The following DSCAML1 variants were observed in gnomAD, a reference collection of about 807,000 sequenced individuals.
DSCAML1 encodes the protein DS cell adhesion molecule like 1.
DSCAML1 carries 38 observed loss-of-function variants against 200.5 expected under a neutral mutation model. The observed-to-expected ratio is 0.19, with a 90% CI of 0.15 to 0.25. DSCAML1 has a LOEUF of 0.25. Ranked by LOEUF, DSCAML1 falls within the 10% of genes least tolerant of loss-of-function variation. DSCAML1 has a pLI of 1.00. For synonymous variants in DSCAML1, 1,215 were observed against 1,165.0 expected, an observed-to-expected ratio of 1.04 and a Z score of -0.87; for missense variants, 2,223 against 2,858.8, an observed-to-expected ratio of 0.78 and a Z score of 5.07.
At chr11:117,491,211 A>G (rs1013132836) in intron 11 of DSCAML1, among the ~76,000 whole-genome samples, 3 of 152,196 alleles carry the variant, frequency 2.0e-5, no homozygotes, top group African/African-American at 4.8e-5. Flanking sequence ...GCCTGGGTAC[A>G]TCTTCACCCC....
At chr11:117,764,601 G>A (rs1280142337) in intron 3 of DSCAML1, among the ~76,000 whole-genome samples, 1 of 152,234 alleles carries the variant, frequency 6.6e-6, no homozygotes, top group East Asian at 1.9e-4. Flanking sequence ...CATTTAGATA[G>A]ATTTAGGGGA....
At position 117,796,604 on chromosome 11, in the gene DSCAML1, C is replaced by T. The variant is rs113190091; in HGVS notation, c.46+430G>A. ...GCACGGACATAGCGGAGGAATCAGC[C>T]GCCGAGTCCGAGGCCTGAATAAGCA... On this transcript the variant is annotated intron_variant, in intron 1 of 32. Transcript: ENST00000651296. Among the ~76,000 whole-genome samples the T allele has an allele frequency of 4.0e-3, 611 of 152,334 alleles. 6 individuals are homozygous for T. The highest frequency in any genetic ancestry group is 0.014 in the African/African-American group (590 of 41,574).
intron 11 of DSCAML1, among the ~76,000 whole-genome samples, chr11:117,483,152 A>G: frequency 6.6e-6 from 1 of 152,210 alleles, no homozygotes; most frequent in East Asian, 1.9e-4. Flanking sequence ...GGCAGGGGAA[A>G]AATGGTCTCA....
intron 11 of DSCAML1, among the ~76,000 whole-genome samples, chr11:117,485,254 C>T (rs1396694766): frequency 6.6e-6 from 1 of 152,198 alleles, no homozygotes; most frequent in Non-Finnish European, 1.5e-5. Flanking sequence ...CTTTGTTCAG[C>T]CCTGTGGGCA....
At chr11:117,496,986 A>G (rs1565740432) in intron 11 of DSCAML1, among the ~76,000 whole-genome samples, 1 of 152,130 alleles carries the variant, frequency 6.6e-6, no homozygotes, top group Non-Finnish European at 1.5e-5. Flanking sequence ...GGTCAGTAAG[A>G]TCTCCCATGT....
chr11:117,762,250 T>A (rs1463571629), intron 3 of DSCAML1, among the ~76,000 whole-genome samples: 1 of 152,184 alleles, frequency 6.6e-6, no homozygotes, highest in African/African-American at 2.4e-5. Flanking sequence ...ATTTATCTCG[T>A]TCTGGTCTGC....
At chr11:117,760,527 C>T (rs1661566152) in intron 3 of DSCAML1, among the ~76,000 whole-genome samples, 2 of 152,188 alleles carry the variant, frequency 1.3e-5, no homozygotes, top group African/African-American at 4.8e-5. Context: ...ATCGACACGT[C>T]CACACTGATT....
Position 117,757,571 on chromosome 11 carries a change from TATACACACAC to T in DSCAML1, c.511+19210_511+19219del, listed in dbSNP as rs1302831035. On this transcript the variant is annotated intron_variant, in intron 3 of 32. Coordinates refer to ENST00000651296, the MANE Select transcript of DSCAML1 (RefSeq NM_020693.4). ...ACGCATTTTTAACCAATTAGGAGCC[TATACACACAC>T]ACACACACACACACACACACACACA... 9.6e-4 allele frequency among the ~76,000 whole-genome samples: 80 copies of T among 83,610 alleles called. 1 individual carries two copies. The highest frequency in any genetic ancestry group is 1.3e-3 in the South Asian group (3 of 2,358). 54.9% of individuals were successfully genotyped at this position (83,610 alleles called of 152,430 possible).
In DSCAML1 at chr11:117,486,911, C is replaced by CTTTT. The variant is rs56805170; in HGVS notation, c.2360-4753_2360-4750dup. Among the ~76,000 whole-genome samples, 22 of 79,666 alleles carry CTTTT rather than the reference C, an allele frequency of 2.8e-4. 1 individual carries two copies. Among genetic ancestry groups the CTTTT allele is most frequent in the Non-Finnish European group, 3.3e-4 (14 of 42,788 alleles). The allele number at this position is 79,666 out of a possible 152,430, so 52.3% of individuals were successfully genotyped here. A position where few individuals can be genotyped will look rare whatever the true frequency, so the allele number is the denominator to read the frequency against. On this transcript the variant is annotated intron_variant, in intron 11 of 32. Coordinates refer to ENST00000651296, the MANE Select transcript of DSCAML1 (RefSeq NM_020693.4). Reference sequence around the variant, plus strand: ...GAAAAAAAAAAAGAATGTAAAATACCTTTTTTTTTTTTTTTTTTTTTTTTT... The same window carrying CTTTT: ...GAAAAAAAAAAAGAATGTAAAATACCTTTTTTTTTTTTTTTTTTTTTTTTTTTTT...
chr11:117,569,000 T>C (rs375031192), intron 3 of DSCAML1, among the ~76,000 whole-genome samples: 3 of 152,168 alleles, frequency 2.0e-5, no homozygotes, highest in African/African-American at 7.2e-5. Flanking sequence ...CAAAACAGCA[T>C]GGTACTGGTA....
chr11:117,489,397 T>C lies in DSCAML1; in HGVS notation c.2360-7235A>G, dbSNP rs2049143934. 1.3e-5 allele frequency among the ~76,000 whole-genome samples: 2 copies of C among 152,240 alleles called. No homozygotes were observed. Among genetic ancestry groups the C allele is most frequent in the African/African-American group, 4.8e-5 (2 of 41,470 alleles). On this transcript the variant is annotated intron_variant, in intron 11 of 32. Coordinates refer to ENST00000651296, the MANE Select transcript of DSCAML1 (RefSeq NM_020693.4). The surrounding 1 kb of genome is among the most constrained non-coding windows in gnomAD (Gnocchi z 4.8). ...AGGCTTTAATGAAATACAACTTCTCTGCTTTCCTGCAATCTAATTCAATTA... is the reference window on the plus strand; with the variant it reads ...AGGCTTTAATGAAATACAACTTCTCCGCTTTCCTGCAATCTAATTCAATTA...
intron 3 of DSCAML1, among the ~76,000 whole-genome samples, chr11:117,762,852 G>C (rs570055314): frequency 7.6e-6 from 1 of 132,182 alleles, no homozygotes; most frequent in African/African-American, 2.8e-5. Context: ...AACAGAGTGA[G>C]ACTCTGTCTC....
chr11:117,593,076 A>T (rs1035630626), intron 3 of DSCAML1, among the ~76,000 whole-genome samples: 29 of 152,254 alleles, frequency 1.9e-4, no homozygotes, highest in African/African-American at 6.3e-4. Flanking sequence ...CTTACGGGGC[A>T]CTAAACAAGA....
intron 3 of DSCAML1, among the ~76,000 whole-genome samples, chr11:117,577,387 TCCTCCCTCCCTC>T (rs142164370): frequency 4.3e-5 from 6 of 138,726 alleles, no homozygotes; most frequent in African/African-American, 1.6e-4. Context: ...TTTCCTTCCT[TCCTCCCTCCCTC>T]CCTCCCTCCC....
chr11:117,764,871 G>C (rs1371623529), intron 3 of DSCAML1, among the ~76,000 whole-genome samples: 1 of 152,206 alleles, frequency 6.6e-6, no homozygotes, highest in African/African-American at 2.4e-5. Flanking sequence ...TTGTTACAAA[G>C]TCTCAGAGAA....
chr11:117,672,154 C>T (rs1253012542), intron 3 of DSCAML1, among the ~76,000 whole-genome samples: 2 of 151,072 alleles, frequency 1.3e-5, no homozygotes, highest in Admixed American at 1.3e-4. Context: ...CCAGGCTGAC[C>T]CCCTCATTTT....
intron 4 of DSCAML1, among the ~76,000 whole-genome samples, chr11:117,530,032 C>T (rs998501746): frequency 5.3e-5 from 8 of 152,192 alleles, no homozygotes; most frequent in Non-Finnish European, 7.3e-5. Context: ...GCATGTCCCT[C>T]CGTTCTGCCT....
intron 7 of DSCAML1, among the ~76,000 whole-genome samples, chr11:117,517,547 G>C (rs924538891): frequency 6.6e-6 from 1 of 152,226 alleles, no homozygotes; most frequent in African/African-American, 2.4e-5. Context: ...ATACAGAGGA[G>C]AGGGCAGGAG....
chr11:117,445,953 A>C (rs940068651), intron 20 of DSCAML1, among the ~76,000 whole-genome samples: 12 of 152,264 alleles, frequency 7.9e-5, no homozygotes. Context: ...CTATGAAAGA[A>C]GAAACTATAG....
Sources: gnomAD v4.1 joint callset for allele counts (sites outside exome capture counted in the v4.1 genomes callset) on GRCh38, gnomAD v4.1.1 for gene constraint, Gnocchi (gnomAD v3.1) non-coding constraint, MANE v1.5 for transcripts, NCBI Gene and HGNC (gene_info 2026-07-23, HGNC 2026-07-21) for gene names.